Variants in ZNF791 observed in about 807,000 individuals in gnomAD.
ZNF791 encodes the protein zinc finger protein 791.
Under a neutral mutation model 11.5 loss-of-function variants are expected in ZNF791, and 4 were observed. That is an observed-to-expected ratio of 0.35 (90% CI 0.17 to 0.80). The LOEUF (loss-of-function observed/expected upper bound fraction) is 0.80, where lower values mean the gene tolerates loss of function less well. ZNF791 is among the 30% of genes least tolerant of loss of function. The pLI, the probability that ZNF791 is intolerant of heterozygous loss-of-function variation, is 0.53. For synonymous variants in ZNF791, 212 were observed against 228.1 expected (o/e 0.93, Z 0.64); for missense variants, 559 against 699.4 (o/e 0.80, Z 2.26).
In ZNF791 at chr19:12,627,789, A is replaced by G. The variant is rs1374080604; in HGVS notation, c.260A>G (p.Asn87Ser). ...GSQCAENFSP[N>S]LSVTKKTAGV... ...CAATGTGCAGAAAACTTCAGTCCCA[A>G]TCTCAGTGTGACGAAGAAGACTGCC... The change falls in exon 4 of 4, where the codon AAT becomes AGT. Residue 87 changes from asparagine (N) to serine (S), a missense_variant. Physicochemically the swap from Asn to Ser is conservative, Grantham distance 46. Transcript: ENST00000343325. The G allele has an allele frequency of 1.2e-6, 2 of 1,614,066 alleles. No homozygotes were observed. The highest frequency in any genetic ancestry group is 2.7e-5 in the African/African-American group (2 of 74,930).
chr19:12,612,176 A>C (rs1006441225), intron 1 of ZNF791: 2 of 895,924 alleles, frequency 2.2e-6, no homozygotes, highest in Admixed American at 1.2e-4. Context: ...ATTTATTGCC[A>C]TGGAAATAAT....
At position 12,629,386 on chromosome 19, in the gene ZNF791, A is replaced by G. The variant is rs1654619480; in HGVS notation, c.*126A>G. On this transcript the variant is annotated 3_prime_UTR_variant, in exon 4 of 4. Transcript: ENST00000343325. The stretch of plus-strand genomic sequence containing the variant: ...AGTAATATAGAAAGCGAGATACAAG[A>G]TGATTCATGTATAGTCAGGTACCAC... 3 of 704,212 alleles carry G rather than the reference A, an allele frequency of 4.3e-6. No individual in the cohort carries two copies. The highest frequency in any genetic ancestry group is 6.5e-6 in the Non-Finnish European group (3 of 464,168). 43.6% of individuals were successfully genotyped at this position (704,212 alleles called of 1,614,324 possible).
At chr19:12,614,824 C>T (rs2023215749) in intron 1 of ZNF791, among the ~76,000 whole-genome samples, 1 of 147,672 alleles carries the variant, frequency 6.8e-6, no homozygotes, top group Non-Finnish European at 1.5e-5. Flanking sequence ...GAGCTCCCCA[C>T]CTAGGTGATC....
intron 1 of ZNF791, among the ~76,000 whole-genome samples, chr19:12,613,256 G>C (rs1317101443): frequency 6.6e-6 from 1 of 151,616 alleles, no homozygotes; most frequent in Non-Finnish European, 1.5e-5. Flanking sequence ...CATCGTGCCA[G>C]GCCTTCTGCT....
chr19:12,628,375 T>G lies in ZNF791; in HGVS notation c.846T>G (p.Ile282Met). The G allele has an allele frequency of 6.2e-7, 1 of 1,607,980 alleles. No individual in the cohort carries two copies. The highest frequency in any genetic ancestry group is 1.3e-5 in the African/African-American group (1 of 74,676). ...YKCKECGKAF[I>M]FPSFLRVHER... ...GCAAAGAATGTGGAAAGGCATTCATTTTTCCCAGTTTTTTACGAGTACATG... is the reference window on the plus strand; with the variant it reads ...GCAAAGAATGTGGAAAGGCATTCATGTTTCCCAGTTTTTTACGAGTACATG... Residue 282 changes from isoleucine (I) to methionine (M), a missense_variant, in exon 4 of 4, where the codon ATT becomes ATG. Ile to Met is a conservative substitution (Grantham distance 10). Transcript: ENST00000343325.
chr19:12,624,893 CA>C (rs1053315112), intron 3 of ZNF791, among the ~76,000 whole-genome samples, 183 bp downstream of exon 3: 1 of 151,520 alleles, frequency 6.6e-6, no homozygotes, highest in African/African-American at 2.4e-5. Flanking sequence ...ACTAAAAATA[CA>C]AAAAAAGTTA....
chr19:12,628,870 G>C lies in ZNF791; in HGVS notation c.1341G>C (p.Lys447Asn). 1 of 1,609,726 alleles carries C rather than the reference G, an allele frequency of 6.2e-7. No individual in the cohort carries two copies. Among genetic ancestry groups the C allele is most frequent in the Non-Finnish European group, 8.5e-7 (1 of 1,178,660 alleles). ...CTTATAAATGTAGGGACTGTGGGAA[G>C]GTGTTCATTTTTCCTAGTGCGTTAC... ...DGPYKCRDCG[K>N]VFIFPSALRT... Residue 447 changes from lysine (K) to asparagine (N), a missense_variant, in exon 4 of 4, where the codon AAG (lysine) becomes AAC (asparagine). Physicochemically the swap from Lys to Asn is moderately conservative, Grantham distance 94 (BLOSUM62 0). Coordinates refer to ENST00000343325, the MANE Select transcript of ZNF791 (RefSeq NM_153358.3).
chr19:12,610,958 A>G lies in ZNF791; in HGVS notation c.-122A>G. The G allele has an allele frequency of 3.7e-6, 5 of 1,353,552 alleles. No homozygotes were observed. Among genetic ancestry groups the G allele is most frequent in the Admixed American group, 1.7e-5 (1 of 58,082 alleles). 83.8% of individuals were successfully genotyped at this position (1,353,552 alleles called of 1,614,324 possible). A position where few individuals can be genotyped will look rare whatever the true frequency, so the allele number is the denominator to read the frequency against. On this transcript the variant is annotated 5_prime_UTR_variant, in exon 1 of 4. Coordinates refer to ENST00000343325, the MANE Select transcript of ZNF791 (RefSeq NM_153358.3). ...GTCACTGTGCGATCGGGTTGTGCTTAGCTTGGGGTCTCCTGGCCCCTTGAC... is the reference window on the plus strand; with the variant it reads ...GTCACTGTGCGATCGGGTTGTGCTTGGCTTGGGGTCTCCTGGCCCCTTGAC...
rs2023504374 is a variant in ZNF791 at position 12,631,800 on chromosome 19, A to C, written c.*2540A>C. 1 of 152,218 alleles carries C rather than the reference A, an allele frequency of 6.6e-6. No homozygotes were observed. The highest frequency in any genetic ancestry group is 6.5e-5 in the Admixed American group (1 of 15,270). The allele number at this position is 152,218 out of a possible 1,614,324, so 9.4% of individuals were successfully genotyped here. A position where few individuals can be genotyped will look rare whatever the true frequency, so the allele number is the denominator to read the frequency against. On this transcript the variant is annotated 3_prime_UTR_variant, in exon 4 of 4. Coordinates refer to ENST00000343325, the MANE Select transcript of ZNF791 (RefSeq NM_153358.3). Reference sequence around the variant, plus strand: ...CTTCAAGTACATCTCTGGACTATGAATTGTAACTTAACTACTTTTCCAAGA... The same window carrying C: ...CTTCAAGTACATCTCTGGACTATGACTTGTAACTTAACTACTTTTCCAAGA...
chr19:12,612,806 AT>A (rs140336473), intron 1 of ZNF791, among the ~76,000 whole-genome samples: 54,887 of 104,230 alleles, frequency 0.53, 14,585 homozygotes, highest in Non-Finnish European at 0.65. Flanking sequence ...ATTCTGCTGG[AT>A]TTTTTTTTTT....
chr19:12,611,005 G>C lies in ZNF791; in HGVS notation c.-75G>C. On this transcript the variant is annotated 5_prime_UTR_variant, in exon 1 of 4. Transcript: ENST00000343325. Reference sequence around the variant, plus strand: ...TGACGCGTCAGGTTGCTGTACCCCTGCATCGGATGCGCTGTACCCTGCGCT... The same window carrying C: ...TGACGCGTCAGGTTGCTGTACCCCTCCATCGGATGCGCTGTACCCTGCGCT... The C allele has an allele frequency of 1.2e-6, 2 of 1,604,714 alleles. No individual in the cohort carries two copies. Among genetic ancestry groups the C allele is most frequent in the Non-Finnish European group, 1.7e-6 (2 of 1,171,930 alleles).
intron 1 of ZNF791, among the ~76,000 whole-genome samples, chr19:12,611,507 A>C (rs1444321514): frequency 6.6e-6 from 1 of 152,100 alleles, no homozygotes; most frequent in Admixed American, 6.6e-5. Context: ...AGATTTCCGG[A>C]TCCCTCCCCG....
intron 1 of ZNF791, among the ~76,000 whole-genome samples, chr19:12,614,007 G>GT (rs1305299895): frequency 6.6e-6 from 1 of 152,144 alleles, no homozygotes; most frequent in Admixed American, 6.6e-5. Context: ...CAGGACTTAT[G>GT]TTTCCTAGAG....
chr19:12,616,483 G>A (rs537807009), intron 1 of ZNF791, among the ~76,000 whole-genome samples: 2 of 152,190 alleles, frequency 1.3e-5, no homozygotes, highest in Non-Finnish European at 2.9e-5. Context: ...CAGGCTGCTG[G>A]GGAGCAGAGC....
rs1446793205 is a variant in ZNF791, at chr19:12,622,414, A to AC, written c.4-1286_4-1285insC. On this transcript the variant is annotated intron_variant, in intron 1 of 3. Transcript: ENST00000343325. ...ATAAAAAAAAGACTGTCTCAAACAA[A>AC]AAAAAAAAAAAAAAAAAACCTCCAC... Among the ~76,000 whole-genome samples, 125 of 144,434 alleles carry AC rather than the reference A, an allele frequency of 8.7e-4. 1 individual carries two copies. The highest frequency in any genetic ancestry group is 3.1e-3 in the African/African-American group (123 of 39,672). 94.8% of individuals were successfully genotyped at this position (144,434 alleles called of 152,430 possible).
At chr19:12,622,994 C>G (rs1599325086) in intron 1 of ZNF791, among the ~76,000 whole-genome samples, 1 of 151,748 alleles carries the variant, frequency 6.6e-6, no homozygotes, top group East Asian at 1.9e-4. Context: ...AGGAGGATGT[C>G]TTGGGGGCCC....
At position 12,631,347 on chromosome 19, in the gene ZNF791, G is replaced by A. The variant is rs968012175; in HGVS notation, c.*2087G>A. ...ACCATGAGGAAATCACCTACAACAC[G>A]TTTCTCAGAACATATACCCATGATT... On this transcript the variant is annotated 3_prime_UTR_variant, in exon 4 of 4. Coordinates refer to ENST00000343325, the MANE Select transcript of ZNF791 (RefSeq NM_153358.3). The A allele has an allele frequency of 2.7e-4, 41 of 152,258 alleles. No homozygotes were observed. The highest frequency in any genetic ancestry group is 9.6e-4 in the African/African-American group (40 of 41,554). The allele number at this position is 152,258 out of a possible 1,614,324, so 9.4% of individuals were successfully genotyped here.
At chr19:12,617,407 A>T (rs1377680486) in intron 1 of ZNF791, among the ~76,000 whole-genome samples, 2 of 152,060 alleles carry the variant, frequency 1.3e-5, no homozygotes, top group African/African-American at 4.8e-5. Context: ...TACAGGCATG[A>T]GTCACTGCGC....
At chr19:12,621,331 A>G (rs1288813473) in intron 1 of ZNF791, among the ~76,000 whole-genome samples, 1 of 152,110 alleles carries the variant, frequency 6.6e-6, no homozygotes, top group African/African-American at 2.4e-5. Flanking sequence ...GTGAAAGTCT[A>G]AGTTGTGAGG....
Sources: gnomAD v4.1 joint callset for allele counts (sites outside exome capture counted in the v4.1 genomes callset) on GRCh38, gnomAD v4.1.1 for gene constraint, MANE v1.5 for transcripts, NCBI Gene and HGNC (gene_info 2026-07-23, HGNC 2026-07-21) for gene names.